The following RGS6 variants were observed in gnomAD, a reference collection of about 807,000 sequenced individuals.
The protein encoded by RGS6 is regulator of G-protein signaling 6.
A neutral mutation model predicts 78.5 loss-of-function variants in RGS6; 30 were observed. That is an observed-to-expected ratio of 0.38 (90% CI 0.29 to 0.52). The LOEUF (loss-of-function observed/expected upper bound fraction) is 0.52, where lower values mean the gene tolerates loss of function less well. RGS6 is among the 20% of genes least tolerant of loss of function. The pLI is 0.85. For synonymous variants in RGS6, 206 were observed against 206.0 expected, an observed-to-expected ratio of 1.00 and a Z score of 0.00; for missense variants, 495 against 609.7, an observed-to-expected ratio of 0.81 and a Z score of 1.98.
chr14:72,396,000 C>T (rs953596694), intron 3 of RGS6, among the ~76,000 whole-genome samples: 9 of 152,062 alleles, frequency 5.9e-5, no homozygotes, highest in Non-Finnish European at 8.8e-5. Flanking sequence ...CATACGTGAG[C>T]ATGTGTCTTT....
intron 3 of RGS6, among the ~76,000 whole-genome samples, chr14:72,405,259 G>T (rs902028206): frequency 1.3e-5 from 2 of 152,184 alleles, no homozygotes; most frequent in African/African-American, 2.4e-5. Flanking sequence ...TTGTGAGAGA[G>T]CCTGGAGGGT....
At chr14:72,560,149 G>A (rs368711866) in intron 17 of RGS6, among the ~76,000 whole-genome samples, 4 of 151,972 alleles carry the variant, frequency 2.6e-5, no homozygotes, top group Admixed American at 6.6e-5. Context: ...AGCCCCAAAC[G>A]CTGTGGATAG....
At chr14:72,379,997 C>T (rs1431864033) in intron 3 of RGS6, among the ~76,000 whole-genome samples, 1 of 151,578 alleles carries the variant, frequency 6.6e-6, no homozygotes, top group East Asian at 1.9e-4. Flanking sequence ...AGAAGAGAAC[C>T]CAGAAATTAA....
intron 2 of RGS6, chr14:71,990,692 G>A (rs1264616506): frequency 2.2e-6 from 1 of 455,958 alleles, no homozygotes; most frequent in Admixed American, 2.3e-5. Context: ...TTTTCTGTAT[G>A]CTGTCCAGGG....
intron 8 of RGS6, 89 bp from the exon 9 acceptor site, chr14:72,472,783 C>G (rs190047965): frequency 1.1e-6 from 1 of 940,704 alleles, no homozygotes. Context: ...CACTTAGCCC[C>G]TAGCAACAGG....
At chr14:72,586,596 C>G in the RGS6 span, among the ~76,000 whole-genome samples, 1 of 152,180 alleles carries the variant, frequency 6.6e-6, no homozygotes, top group Non-Finnish European at 1.5e-5. Context: ...CCTTTCGACA[C>G]AGGGCACTTT....
intron 2 of RGS6, among the ~76,000 whole-genome samples, chr14:72,118,778 A>T (rs2095972527): frequency 6.6e-6 from 1 of 152,256 alleles, no homozygotes; most frequent in Non-Finnish European, 1.5e-5. Flanking sequence ...GAGTCTATTT[A>T]ATAATGCAGG....
intron 3 of RGS6, among the ~76,000 whole-genome samples, chr14:72,401,228 G>A (rs2092360261): frequency 6.6e-6 from 1 of 152,086 alleles, no homozygotes; most frequent in Admixed American, 6.6e-5. Context: ...CTGGAGTAGG[G>A]GCGGACAAAT....
chr14:72,523,781 C>G (rs966630404), intron 15 of RGS6, among the ~76,000 whole-genome samples: 5 of 152,084 alleles, frequency 3.3e-5, no homozygotes, highest in Non-Finnish European at 7.3e-5. Context: ...CTGTGTTGTT[C>G]CAATTTCATA....
intron 2 of RGS6, among the ~76,000 whole-genome samples, chr14:72,217,244 A>G (rs182201131): frequency 1.1e-4 from 17 of 152,336 alleles, no homozygotes; most frequent in African/African-American, 4.1e-4. Flanking sequence ...GTTTGAGAAC[A>G]CCCAAAACTT....
chr14:72,403,667 C>G (rs1337689788), intron 3 of RGS6, among the ~76,000 whole-genome samples: 2 of 152,172 alleles, frequency 1.3e-5, no homozygotes, highest in Non-Finnish European at 2.9e-5. Flanking sequence ...CGTGATTTAT[C>G]ATTACACATT....
At chr14:72,526,286 T>TTA (rs397716801) in intron 15 of RGS6, among the ~76,000 whole-genome samples, 2 of 149,662 alleles carry the variant, frequency 1.3e-5, no homozygotes. Flanking sequence ...TGTTTTTTTT[T>TTA]AGTAGAGTCG....
chr14:72,236,326 G>A (rs1285974328), intron 2 of RGS6, among the ~76,000 whole-genome samples: 1 of 152,032 alleles, frequency 6.6e-6, no homozygotes, highest in African/African-American at 2.4e-5. Context: ...AAATTAAATT[G>A]CAGAAATCAG....
At chr14:71,936,324 T>A (rs1052466024) in intron 1 of RGS6, among the ~76,000 whole-genome samples, 30 of 151,942 alleles carry the variant, frequency 2.0e-4, no homozygotes, top group Non-Finnish European at 1.5e-5. Context: ...CTCCTTTTCA[T>A]GTTTTTCTGC....
chr14:72,203,943 G>C (rs2042156078), intron 2 of RGS6, among the ~76,000 whole-genome samples: 1 of 150,432 alleles, frequency 6.6e-6, no homozygotes, highest in South Asian at 2.1e-4. Context: ...TTCTGCCTCA[G>C]CCTCCCAAGT....
chr14:71,949,750 A>G (rs1271283975), intron 1 of RGS6, among the ~76,000 whole-genome samples: 1 of 148,902 alleles, frequency 6.7e-6, no homozygotes, highest in African/African-American at 2.5e-5. Flanking sequence ...AAGGCTATGA[A>G]GCTACTCTGT....
intron 5 of RGS6, among the ~76,000 whole-genome samples, chr14:72,458,772 A>G (rs1357791169): frequency 6.6e-6 from 1 of 152,178 alleles, no homozygotes; most frequent in Non-Finnish European, 1.5e-5. Flanking sequence ...CCTTCTAGCT[A>G]TATCCCCACA....
the RGS6 span, among the ~76,000 whole-genome samples, chr14:72,628,162 G>C: frequency 6.6e-6 from 1 of 152,080 alleles, no homozygotes; most frequent in African/African-American, 2.4e-5. Flanking sequence ...CATAGTTATA[G>C]AGATAGTGAG....
At chr14:72,592,479 C>T in the RGS6 span, among the ~76,000 whole-genome samples, 1 of 152,324 alleles carries the variant, frequency 6.6e-6, no homozygotes, top group African/African-American at 2.4e-5. Flanking sequence ...AACCATGACA[C>T]AATAGACATG....
Sources: gnomAD v4.1 joint callset for allele counts (sites outside exome capture counted in the v4.1 genomes callset) on GRCh38, gnomAD v4.1.1 for gene constraint, MANE v1.5 for transcripts, NCBI Gene and HGNC (gene_info 2026-07-23, HGNC 2026-07-21) for gene names.